Variants in MIEF1 observed in about 807,000 individuals in gnomAD.
The protein encoded by MIEF1 is mitochondrial dynamics protein MIEF1.
Under a neutral mutation model 35.1 loss-of-function variants are expected in MIEF1, and 14 were observed. That is an observed-to-expected ratio of 0.40 (90% CI 0.26 to 0.62). The LOEUF is 0.62. Among genes scored for constraint, MIEF1 ranks in the 20% least tolerant of loss-of-function variants. The probability of loss-of-function intolerance (pLI) is 0.43; values close to 1 mark genes in which losing one functional copy is unlikely to be tolerated. For missense variants in MIEF1, 542 were observed against 615.4 expected, an observed-to-expected ratio of 0.88 and a Z score of 1.26; for synonymous variants, 245 against 254.3, an observed-to-expected ratio of 0.96 and a Z score of 0.35.
rs34449456 is a variant in MIEF1 at position 39,511,929 on chromosome 22, C to T, written c.225C>T (p.Asn75=). Residue 75 remains asparagine, a synonymous_variant, in exon 4 of 6, where the codon AAC becomes AAT. Transcript: ENST00000325301. ...HSGKRSWEEP[N]WMGSPRLLNR... ...GGAAAAGGAGCTGGGAAGAACCCAACTGGATGGGCTCCCCACGACTGCTGA... is the reference window on the plus strand; with the variant it reads ...GGAAAAGGAGCTGGGAAGAACCCAATTGGATGGGCTCCCCACGACTGCTGA... 1.5e-3 allele frequency: 2,378 copies of T among 1,614,240 alleles called. 34 individuals are homozygous for T. In the African/African-American group the frequency reaches 0.029, roughly 20 times the overall value.
At chr22:39,507,882 A>C (rs1280177493) in intron 2 of MIEF1, among the ~76,000 whole-genome samples, 1 of 152,030 alleles carries the variant, frequency 6.6e-6, no homozygotes, top group Non-Finnish European at 1.5e-5. Flanking sequence ...AAGAAAAAAT[A>C]GTTTTGATCT....
chr22:39,502,807 C>A (rs2145739040), intron 1 of MIEF1, among the ~76,000 whole-genome samples: 1 of 152,348 alleles, frequency 6.6e-6, no homozygotes, highest in East Asian at 1.9e-4. Context: ...TCAAACACTT[C>A]TGTTGATTTT....
intron 2 of MIEF1, among the ~76,000 whole-genome samples, chr22:39,510,246 C>T (rs757167196): frequency 6.6e-6 from 1 of 152,088 alleles, no homozygotes; most frequent in Non-Finnish European, 1.5e-5. Flanking sequence ...GCGTGAGTCA[C>T]CGTGCCCGGC....
intron 2 of MIEF1, among the ~76,000 whole-genome samples, chr22:39,509,935 C>G (rs1200957621): frequency 6.6e-6 from 1 of 152,098 alleles, no homozygotes; most frequent in African/African-American, 2.4e-5. Flanking sequence ...GTGGGGAGTC[C>G]TGAGTTCTGG....
In MIEF1 at chr22:39,515,181, A is replaced by T; in HGVS notation, c.*858A>T. On this transcript the variant is annotated 3_prime_UTR_variant, in exon 6 of 6. Transcript: ENST00000325301. The stretch of plus-strand genomic sequence containing the variant: ...ATGGGGACTGCCAGGGCACCACTTC[A>T]TCATGAATGCTGGTTTTCACACCTT... The T allele has an allele frequency of 1.5e-6, 1 of 674,934 alleles. No homozygotes were observed. Among genetic ancestry groups the T allele is most frequent in the Middle Eastern group, 2.4e-4 (1 of 4,146 alleles). The allele number at this position is 674,934 out of a possible 1,614,324, so 41.8% of individuals were successfully genotyped here.
chr22:39,513,050 C>G, intron 5 of MIEF1, among the ~76,000 whole-genome samples: 1 of 152,048 alleles, frequency 6.6e-6, no homozygotes, highest in Non-Finnish European at 1.5e-5. Context: ...GTGCCCATCT[C>G]TCCTTTCTAG....
chr22:39,506,591 A>G (rs1930028267), intron 2 of MIEF1, among the ~76,000 whole-genome samples: 1 of 152,244 alleles, frequency 6.6e-6, no homozygotes, highest in South Asian at 2.1e-4. Flanking sequence ...CTAGTCTCGT[A>G]CATACTCAAG....
intron 1 of MIEF1, chr22:39,503,242 G>A (rs1929843486): frequency 6.6e-6 from 1 of 152,210 alleles, no homozygotes; most frequent in South Asian, 2.1e-4. Flanking sequence ...CCGCGGGCAA[G>A]TTACTTCCCT....
In MIEF1 at chr22:39,513,790, A is replaced by G; in HGVS notation, c.859A>G (p.Ile287Val). The G allele has an allele frequency of 6.2e-7, 1 of 1,613,876 alleles. No homozygotes were observed. The highest frequency in any genetic ancestry group is 8.5e-7 in the Non-Finnish European group (1 of 1,179,984). ...PAIGSLLDYV[I>V]RPAPPPEALT... is the part of the protein sequence containing the mutation. Reference sequence around the variant, plus strand: ...CATAGGGTCCCTCTTGGACTATGTGATCCGCCCGGCCCCACCCCCAGAAGC... The same window carrying G: ...CATAGGGTCCCTCTTGGACTATGTGGTCCGCCCGGCCCCACCCCCAGAAGC... Residue 287 changes from isoleucine to valine, a missense_variant, in exon 6 of 6, where the codon ATC (isoleucine) becomes GTC (valine). By Grantham distance (29) the Ile-to-Val change is conservative (BLOSUM62 3). Coordinates refer to ENST00000325301, the MANE Select transcript of MIEF1 (RefSeq NM_019008.6).
chr22:39,517,580 C>T lies in MIEF1; in HGVS notation c.*3257C>T. 2.1e-6 allele frequency: 1 copy of T among 471,212 alleles called. No individual in the cohort carries two copies. Among genetic ancestry groups the T allele is most frequent in the Non-Finnish European group, 4.4e-6 (1 of 227,072 alleles). The allele number at this position is 471,212 out of a possible 1,614,324, so 29.2% of individuals were successfully genotyped here. A position where few individuals can be genotyped will look rare whatever the true frequency, so the allele number is the denominator to read the frequency against. On this transcript the variant is annotated 3_prime_UTR_variant, in exon 6 of 6. Transcript: ENST00000325301. ...GGGAGGGTTCTGTAAATACAGACTA[C>T]TGCGAGTGTCCAGAGCTCTCTGCCA...
In MIEF1 at chr22:39,513,740, T is replaced by A; in HGVS notation, c.809T>A (p.Val270Glu). The stretch of plus-strand genomic sequence containing the variant: ...GTCGCAGATACATTTGAGAAGGTAG[T>A]GGCTGGCTCCATCAATTGGCCAGCC... ...KTVADTFEKV[V>E]AGSINWPAIG... The change falls in exon 6 of 6, where the codon GTG becomes GAG. Residue 270 changes from valine to glutamate, a missense_variant. Val to Glu is a moderately radical substitution (Grantham distance 121). Coordinates refer to ENST00000325301, the MANE Select transcript of MIEF1 (RefSeq NM_019008.6). The A allele has an allele frequency of 6.2e-7, 1 of 1,613,802 alleles. No homozygotes were observed. The highest frequency in any genetic ancestry group is 2.2e-5 in the East Asian group (1 of 44,880).
chr22:39,508,232 A>G lies in MIEF1; in HGVS notation c.-7-3056A>G, dbSNP rs75577198. ...TAACTCATTTGAGGTCACCCAGCTAATAAGTCAGGGCTCAAGGCAAGTTCT... is the reference window on the plus strand; with the variant it reads ...TAACTCATTTGAGGTCACCCAGCTAGTAAGTCAGGGCTCAAGGCAAGTTCT... On this transcript the variant is annotated intron_variant, in intron 2 of 5. Transcript: ENST00000325301. Among the ~76,000 whole-genome samples the G allele has an allele frequency of 9.0e-3, 1,376 of 152,328 alleles. 26 individuals are homozygous for G. Among genetic ancestry groups the G allele is most frequent in the African/African-American group, 0.031 (1,309 of 41,562 alleles).
In MIEF1 at chr22:39,515,021, T is replaced by C; in HGVS notation, c.*698T>C. ...CAGGATAAGCTGAATGCAAAGTTAT[T>C]TGCAGGTTGAATTTCTTGGTGGCTA... On this transcript the variant is annotated 3_prime_UTR_variant, in exon 6 of 6. Transcript: ENST00000325301. 5.4e-6 allele frequency: 3 copies of C among 557,882 alleles called. No homozygotes were observed. Among genetic ancestry groups the C allele is most frequent in the Non-Finnish European group, 6.3e-6 (2 of 315,678 alleles). 34.6% of individuals were successfully genotyped at this position (557,882 alleles called of 1,614,324 possible).
rs1296125721 is a variant in MIEF1 at position 39,517,239 on chromosome 22, A to G, written c.*2916A>G. The G allele has an allele frequency of 5.7e-6, 1 of 176,844 alleles. No individual in the cohort carries two copies. Among genetic ancestry groups the G allele is most frequent in the Non-Finnish European group, 1.2e-5 (1 of 82,162 alleles). 11.0% of individuals were successfully genotyped at this position (176,844 alleles called of 1,614,324 possible). A position where few individuals can be genotyped will look rare whatever the true frequency, so the allele number is the denominator to read the frequency against. ...ACGTAGCCTAACACTTAAAAAATGC[A>G]CTCATTATCTTAAACCTAATAAATT... On this transcript the variant is annotated 3_prime_UTR_variant, in exon 6 of 6. Transcript: ENST00000325301.
In MIEF1 at chr22:39,513,831, G is replaced by T; in HGVS notation, c.900G>T (p.Val300=). 6.2e-7 allele frequency: 1 copy of T among 1,614,106 alleles called. No homozygotes were observed. Among genetic ancestry groups the T allele is most frequent in the Non-Finnish European group, 8.5e-7 (1 of 1,180,036 alleles). Residue 300 remains valine, a synonymous_variant, in exon 6 of 6, where the codon GTG becomes GTT. Coordinates refer to ENST00000325301, the MANE Select transcript of MIEF1 (RefSeq NM_019008.6). ...CCCCAGAAGCCCTCACACTGGAGGT[G>T]CAGTATGAGCGTGACAAACATCTCT... is the stretch of plus-strand genomic sequence containing the variant. ...APPPEALTLE[V]QYERDKHLFI...
Position 39,511,288 on chromosome 22 carries a change from A to G in MIEF1, c.-7A>G, listed in dbSNP as rs774096242. The stretch of plus-strand genomic sequence containing the variant: ...GGCCGTGTTCTGTCTTCATTCTCAG[A>G]TGAGCAATGGCAGGCGCTGGTGAGC... On this transcript the variant is annotated splice_region_variant and 5_prime_UTR_variant, in exon 3 of 6. The change abolishes an upstream ATG in the 5' untranslated region. Coordinates refer to ENST00000325301, the MANE Select transcript of MIEF1 (RefSeq NM_019008.6). 3 of 1,613,664 alleles carry G rather than the reference A, an allele frequency of 1.9e-6. No individual in the cohort carries two copies. Among genetic ancestry groups the G allele is most frequent in the Admixed American group, 3.3e-5 (2 of 59,894 alleles).
chr22:39,512,268 G>A lies in MIEF1; in HGVS notation c.359G>A (p.Arg120Lys). The change falls in exon 5 of 6, where the codon AGG becomes AAG. Residue 120 changes from arginine (R) to lysine (K), a missense_variant. Physicochemically the swap from Arg to Lys is conservative, Grantham distance 26. Coordinates refer to ENST00000325301, the MANE Select transcript of MIEF1 (RefSeq NM_019008.6). ...FCPPRPKPVA[R>K]KGQVDLKKSR... Reference sequence around the variant, plus strand: ...CCGCCCCGGCCCAAGCCAGTGGCCAGGAAGGGCCAGGTAGACTTGAAGAAG... The same window carrying A: ...CCGCCCCGGCCCAAGCCAGTGGCCAAGAAGGGCCAGGTAGACTTGAAGAAG... 6.2e-7 allele frequency: 1 copy of A among 1,613,922 alleles called. No individual in the cohort carries two copies. The highest frequency in any genetic ancestry group is 8.5e-7 in the Non-Finnish European group (1 of 1,180,032).
At chr22:39,500,617 T>C (rs769358513), upstream of MIEF1, 32 of 151,918 alleles carry the variant, frequency 2.1e-4, no homozygotes, top group Non-Finnish European at 3.5e-4. Context: ...AGACTTGGCT[T>C]CCACTGAAAG....
chr22:39,505,574 G>T (rs577813427), intron 2 of MIEF1, among the ~76,000 whole-genome samples: 1 of 152,170 alleles, frequency 6.6e-6, no homozygotes, highest in Non-Finnish European at 1.5e-5. Context: ...CAGAGTTGAG[G>T]CTGGGCCTGG....
Sources: allele counts gnomAD v4.1 joint callset (sites outside exome capture counted in the v4.1 genomes callset), GRCh38; gene constraint gnomAD v4.1.1; transcripts MANE v1.5; gene names NCBI Gene and HGNC (gene_info 2026-07-23, HGNC 2026-07-21).